Variants in FOXN3 observed in about 807,000 individuals in gnomAD.
The protein encoded by FOXN3 is forkhead box N3.
FOXN3 carries 7 observed loss-of-function variants against 38.4 expected under a neutral mutation model. The observed-to-expected ratio is 0.18, with a 90% CI of 0.10 to 0.34. FOXN3 has a LOEUF of 0.34. Ranked by LOEUF, FOXN3 falls within the 10% of genes least tolerant of loss-of-function variation. FOXN3 has a pLI of 1.00. For synonymous variants in FOXN3, 230 were observed against 242.2 expected (o/e 0.95, Z 0.47); for missense variants, 456 against 613.4 (o/e 0.74, Z 2.71).
intron 4 of FOXN3, among the ~76,000 whole-genome samples, chr14:89,181,212 A>G (rs1357995600): frequency 6.6e-6 from 1 of 152,138 alleles, no homozygotes; most frequent in African/African-American, 2.4e-5. Flanking sequence ...AAAAAAAAAA[A>G]GTGAGTTTTC....
At chr14:89,205,626 C>A (rs553867328) in intron 4 of FOXN3, among the ~76,000 whole-genome samples, 2 of 152,360 alleles carry the variant, frequency 1.3e-5, no homozygotes, top group Admixed American at 6.5e-5. Flanking sequence ...GGAGGAGAGT[C>A]TGCTCCATGC....
intron 4 of FOXN3, among the ~76,000 whole-genome samples, chr14:89,270,642 T>C (rs1310651646): frequency 6.6e-6 from 1 of 152,182 alleles, no homozygotes; most frequent in African/African-American, 2.4e-5. Context: ...ACTTCTCTCC[T>C]AGTTATGCTG....
chr14:89,214,502 C>G (rs939117934), intron 4 of FOXN3, among the ~76,000 whole-genome samples: 1 of 152,216 alleles, frequency 6.6e-6, no homozygotes, highest in African/African-American at 2.4e-5. Flanking sequence ...GAATCAGGAA[C>G]CTGCCTATTT....
At chr14:89,594,990 C>T (rs947330027) in intron 1 of FOXN3, among the ~76,000 whole-genome samples, 2 of 152,124 alleles carry the variant, frequency 1.3e-5, no homozygotes, top group African/African-American at 2.4e-5. Context: ...TGACTCTATA[C>T]ATCACTTTGA....
At chr14:89,393,987 G>C (rs894527463) in intron 2 of FOXN3, among the ~76,000 whole-genome samples, 2 of 152,150 alleles carry the variant, frequency 1.3e-5, no homozygotes, top group Non-Finnish European at 2.9e-5. Context: ...AGATGGAAGG[G>C]TTGGCATCTG....
At chr14:89,303,256 GT>G (rs1432013416) in intron 3 of FOXN3, among the ~76,000 whole-genome samples, 3 of 151,864 alleles carry the variant, frequency 2.0e-5, no homozygotes, top group Non-Finnish European at 4.4e-5. Context: ...TCACTCCCTT[GT>G]TTTCTTTGCA....
At chr14:89,598,804 C>T (rs1415717900) in intron 1 of FOXN3, among the ~76,000 whole-genome samples, 1 of 152,148 alleles carries the variant, frequency 6.6e-6, no homozygotes. Flanking sequence ...CAGCTTTTCT[C>T]TTTTTCTTTT....
chr14:89,320,266 T>A (rs999729636), intron 3 of FOXN3, among the ~76,000 whole-genome samples: 22 of 152,244 alleles, frequency 1.4e-4, no homozygotes, highest in African/African-American at 5.1e-4. Context: ...CAAAATTCAG[T>A]GTCCTCCAAC....
chr14:89,261,546 C>T (rs1885801274), intron 4 of FOXN3, among the ~76,000 whole-genome samples: 1 of 152,138 alleles, frequency 6.6e-6, no homozygotes, highest in African/African-American at 2.4e-5. Flanking sequence ...GTAATCCCAG[C>T]ACTTTGGGAG....
chr14:89,520,063 G>A (rs28727268), intron 1 of FOXN3, among the ~76,000 whole-genome samples: 5,729 of 150,384 alleles, frequency 0.038, 389 homozygotes, highest in African/African-American at 0.13. Flanking sequence ...ACCCAGGCTG[G>A]AGTGCAGCGG....
intron 1 of FOXN3, among the ~76,000 whole-genome samples, chr14:89,415,178 C>T (rs1378866003): frequency 6.6e-6 from 1 of 152,214 alleles, no homozygotes; most frequent in Non-Finnish European, 1.5e-5. Flanking sequence ...TACCCAGCCA[C>T]TGAAGTCAAC....
intron 3 of FOXN3, among the ~76,000 whole-genome samples, chr14:89,333,941 TA>T (rs1888344295): frequency 7.0e-6 from 1 of 143,856 alleles, no homozygotes; most frequent in Non-Finnish European, 1.5e-5. Context: ...CACTGACAGA[TA>T]AATTAATGAA....
chr14:89,424,621 T>TA (rs1040695963), intron 1 of FOXN3, among the ~76,000 whole-genome samples: 1 of 151,556 alleles, frequency 6.6e-6, no homozygotes, highest in Non-Finnish European at 1.5e-5. Flanking sequence ...CTCACACCTA[T>TA]AATCTTAACA....
intron 1 of FOXN3, among the ~76,000 whole-genome samples, chr14:89,494,465 G>A (rs1034298029): frequency 5.9e-5 from 9 of 152,316 alleles, no homozygotes; most frequent in Non-Finnish European, 1.0e-4. Context: ...TGGGCTGTCT[G>A]CTTAAGGTGG....
intron 4 of FOXN3, among the ~76,000 whole-genome samples, chr14:89,202,257 A>C (rs1390903635): frequency 6.6e-6 from 1 of 152,226 alleles, no homozygotes; most frequent in African/African-American, 2.4e-5. Context: ...CTATGGAGCC[A>C]GTGATGTTCC....
rs199731269 is a variant in FOXN3 at position 89,373,174 on chromosome 14, GA to G, written c.544-22367del. ...GAGCGGGACCCTGTCTCAAAAAAAA[GA>G]AAAAAAACAATTAAATGTAAACCAT... On this transcript the variant is annotated intron_variant, in intron 2 of 5. Transcript: ENST00000557258. Among the ~76,000 whole-genome samples, 4 of 151,206 alleles carry G rather than the reference GA, an allele frequency of 2.6e-5. No homozygotes were observed. In the East Asian group the frequency reaches 5.8e-4, roughly 22 times the overall value.
intron 1 of FOXN3, among the ~76,000 whole-genome samples, chr14:89,551,713 C>G (rs553509831): frequency 5.9e-5 from 9 of 152,272 alleles, no homozygotes; most frequent in African/African-American, 1.9e-4. Flanking sequence ...AGCACAGTGT[C>G]CAGTATGTAG....
intron 1 of FOXN3, among the ~76,000 whole-genome samples, chr14:89,510,432 C>A (rs1350457168): frequency 6.6e-6 from 1 of 152,178 alleles, no homozygotes; most frequent in Non-Finnish European, 1.5e-5. Context: ...CTGAGGGCAG[C>A]CACAGCTAAG....
chr14:89,447,514 T>TC (rs1892528033), intron 1 of FOXN3, among the ~76,000 whole-genome samples: 1 of 152,120 alleles, frequency 6.6e-6, no homozygotes, highest in Admixed American at 6.6e-5. Flanking sequence ...TTTCTGAACT[T>TC]TCACCAGCCC....
Sources: gnomAD v4.1 joint callset for allele counts (sites outside exome capture counted in the v4.1 genomes callset) on GRCh38, gnomAD v4.1.1 for gene constraint, MANE v1.5 for transcripts, NCBI Gene and HGNC (gene_info 2026-07-23, HGNC 2026-07-21) for gene names.